GADL1: variants seen among roughly 807,000 people sequenced by gnomAD.
GADL1 encodes the protein GAD like acidic amino acid decarboxylase 1, also known as acidic amino acid decarboxylase GADL1.
In GADL1, 71 loss-of-function variants were observed where a neutral mutation model predicts 69.5. The observed-to-expected ratio is 1.02, with a 90% CI of 0.84 to 1.25. The LOEUF (loss-of-function observed/expected upper bound fraction) is 1.25. GADL1 is among the 50% of genes most tolerant of loss of function. The pLI is 0.00. For missense variants in GADL1, 737 were observed against 631.8 expected, an observed-to-expected ratio of 1.17 and a Z score of -1.79; for synonymous variants, 254 against 214.4, an observed-to-expected ratio of 1.18 and a Z score of -1.62.
At chr3:30,755,929 C>G (rs904368173) in intron 14 of GADL1, among the ~76,000 whole-genome samples, 4 of 152,096 alleles carry the variant, frequency 2.6e-5, no homozygotes, top group Non-Finnish European at 5.9e-5. Context: ...TGCTATGGTC[C>G]CTGGTGGTAG....
intron 11 of GADL1, among the ~76,000 whole-genome samples, chr3:30,817,945 T>C (rs1165942147): frequency 6.6e-6 from 1 of 152,214 alleles, no homozygotes; most frequent in Admixed American, 6.5e-5. Flanking sequence ...GCTATGGAAC[T>C]GGAGATACGG....
chr3:30,737,046 G>T (rs1386107337), intron 14 of GADL1, among the ~76,000 whole-genome samples: 1 of 152,112 alleles, frequency 6.6e-6, no homozygotes, highest in Non-Finnish European at 1.5e-5. Flanking sequence ...TCAAAGAAAG[G>T]TTGAAGAATA....
At chr3:30,752,371 T>C (rs770917766) in intron 14 of GADL1, among the ~76,000 whole-genome samples, 8 of 151,974 alleles carry the variant, frequency 5.3e-5, no homozygotes, top group Non-Finnish European at 8.8e-5. Flanking sequence ...TCTATTTAAG[T>C]GGTGCACCTT....
intron 8 of GADL1, among the ~76,000 whole-genome samples, chr3:30,842,359 T>C (rs1344754732): frequency 6.6e-6 from 1 of 152,150 alleles, no homozygotes; most frequent in Non-Finnish European, 1.5e-5. Flanking sequence ...CAAACCTATC[T>C]AGTGGTGGTA....
At chr3:30,763,496 C>A (rs534566931) in intron 14 of GADL1, among the ~76,000 whole-genome samples, 1 of 60,382 alleles carries the variant, frequency 1.7e-5, no homozygotes, top group Non-Finnish European at 2.8e-5. Flanking sequence ...AGCAAGACTC[C>A]GTCTCGGCGG....
At chr3:30,801,597 G>A (rs1575212275) in intron 11 of GADL1, among the ~76,000 whole-genome samples, 2 of 152,284 alleles carry the variant, frequency 1.3e-5, no homozygotes, top group Admixed American at 6.5e-5. Context: ...GTAAACAAGA[G>A]CCAACAAGTT....
At chr3:30,845,424 T>C (rs560208271) in intron 6 of GADL1, among the ~76,000 whole-genome samples, 4 of 152,296 alleles carry the variant, frequency 2.6e-5, no homozygotes, top group Non-Finnish European at 4.4e-5. Flanking sequence ...AAAAAAATCT[T>C]AGTAATTTGT....
In GADL1 at chr3:30,894,646, G is replaced by A; in HGVS notation, c.-32C>T. Reference sequence around the variant, plus strand: ...TCCCCCACTCCAGGCTGCCCCGGGCGCGGCTCCCGCAGTCTGGGCGGCGAC... The same window carrying A: ...TCCCCCACTCCAGGCTGCCCCGGGCACGGCTCCCGCAGTCTGGGCGGCGAC... On this transcript the variant is annotated 5_prime_UTR_variant, in exon 1 of 15. Coordinates refer to ENST00000282538, the MANE Select transcript of GADL1 (RefSeq NM_207359.3). 2 of 1,547,522 alleles carry A rather than the reference G, an allele frequency of 1.3e-6. No homozygotes were observed. The highest frequency in any genetic ancestry group is 1.7e-6 in the Non-Finnish European group (2 of 1,144,520).
chr3:30,856,555 G>A (rs1698233522), intron 3 of GADL1, among the ~76,000 whole-genome samples: 1 of 152,020 alleles, frequency 6.6e-6, no homozygotes, highest in Non-Finnish European at 1.5e-5. Flanking sequence ...ATTACCAACT[G>A]CCAAGAGTTA....
At chr3:30,775,869 G>GGT (rs1397132822) in intron 14 of GADL1, among the ~76,000 whole-genome samples, 1 of 152,206 alleles carries the variant, frequency 6.6e-6, no homozygotes, top group Non-Finnish European at 1.5e-5. Context: ...GGCCGAGGCA[G>GGT]GTGGATCACC....
At chr3:30,890,848 A>G (rs1002981383) in intron 1 of GADL1, among the ~76,000 whole-genome samples, 2 of 152,180 alleles carry the variant, frequency 1.3e-5, no homozygotes, top group Non-Finnish European at 2.9e-5. Context: ...TCTGAACATA[A>G]TAAGTCTATA....
At chr3:30,820,680 TAG>T (rs1315325349) in intron 11 of GADL1, among the ~76,000 whole-genome samples, 1 of 152,150 alleles carries the variant, frequency 6.6e-6, no homozygotes, top group Non-Finnish European at 1.5e-5. Flanking sequence ...CAACAGGTGC[TAG>T]AGAGGATGTG....
At chr3:30,733,437 G>C (rs1695495063) in intron 14 of GADL1, among the ~76,000 whole-genome samples, 1 of 152,178 alleles carries the variant, frequency 6.6e-6, no homozygotes, top group Non-Finnish European at 1.5e-5. Flanking sequence ...AACTTGAGGA[G>C]AGTTCTGCTG....
At chr3:30,755,960 A>G (rs1025299853) in intron 14 of GADL1, among the ~76,000 whole-genome samples, 6 of 152,028 alleles carry the variant, frequency 3.9e-5, no homozygotes, top group Non-Finnish European at 5.9e-5. Context: ...GCTGCCTCCT[A>G]TATGCAGATT....
intron 10 of GADL1, 25 bp from the exon 11 acceptor site, chr3:30,833,959 G>C: frequency 6.6e-7 from 1 of 1,525,220 alleles, no homozygotes; most frequent in Non-Finnish European, 9.1e-7. Flanking sequence ...AAGGGACAGA[G>C]TAGGGAGAGG....
At chr3:30,800,446 A>C (rs1186368377) in intron 12 of GADL1, 5 of 170,442 alleles carry the variant, frequency 2.9e-5, no homozygotes, top group Admixed American at 2.9e-4. Flanking sequence ...ATACAATTCA[A>C]GATGAGATCT....
At chr3:30,841,275 C>A (rs775788030) in intron 8 of GADL1, among the ~76,000 whole-genome samples, 1 of 152,326 alleles carries the variant, frequency 6.6e-6, no homozygotes, top group East Asian at 1.9e-4. Flanking sequence ...GACGTACTAA[C>A]TCTAACCCCA....
At chr3:30,800,683 C>T in intron 12 of GADL1, 1 of 579,916 alleles carries the variant, frequency 1.7e-6, no homozygotes, top group Non-Finnish European at 3.1e-6. Flanking sequence ...GTTCATAATT[C>T]CTAACACTTA....
At chr3:30,767,877 G>A (rs7629873) in intron 14 of GADL1, among the ~76,000 whole-genome samples, 5,632 of 151,510 alleles carry the variant, frequency 0.037, 354 homozygotes, top group African/African-American at 0.13. Flanking sequence ...AAATTTATAA[G>A]GAAAAACATC....
Sources: gnomAD v4.1 joint callset for allele counts (sites outside exome capture counted in the v4.1 genomes callset) on GRCh38, gnomAD v4.1.1 for gene constraint, MANE v1.5 for transcripts, NCBI Gene and HGNC (gene_info 2026-07-23, HGNC 2026-07-21) for gene names.